The following GRID1 variants were observed in gnomAD, a reference collection of about 807,000 sequenced individuals.
GRID1 encodes the protein glutamate ionotropic receptor delta type subunit 1.
In GRID1, 28 loss-of-function variants were observed where a neutral mutation model predicts 98.0. The ratio of observed to expected loss-of-function variants is 0.29; its 90% CI spans 0.21 to 0.39. The LOEUF is 0.39. GRID1 is among the 10% of genes least tolerant of loss of function. The probability of loss-of-function intolerance (pLI) is 1.00; values close to 1 mark genes in which losing one functional copy is unlikely to be tolerated. For missense variants in GRID1, 1,111 were observed against 1,340.5 expected, an observed-to-expected ratio of 0.83 and a Z score of 2.67; for synonymous variants, 553 against 538.5, an observed-to-expected ratio of 1.03 and a Z score of -0.37.
intron 4 of GRID1, among the ~76,000 whole-genome samples, chr10:85,925,984 A>G (rs7100625): frequency 0.57 from 87,407 of 152,166 alleles, 25,654 homozygotes; most frequent in African/African-American, 0.7. Flanking sequence ...ATTCTTTACC[A>G]AGCTGATAAG....
intron 13 of GRID1, among the ~76,000 whole-genome samples, chr10:85,626,457 G>A (rs1842913544): frequency 1.3e-5 from 2 of 152,178 alleles, no homozygotes; most frequent in African/African-American, 4.8e-5. Flanking sequence ...GGCAATGCCT[G>A]TCTTTCCCTA....
At chr10:86,127,524 G>A (rs1220395479) in intron 4 of GRID1, among the ~76,000 whole-genome samples, 1 of 152,164 alleles carries the variant, frequency 6.6e-6, no homozygotes, top group Non-Finnish European at 1.5e-5. Flanking sequence ...AAAGTGCCTA[G>A]CCAGCATCTG....
chr10:85,869,791 G>A (rs1334773647), intron 5 of GRID1, among the ~76,000 whole-genome samples: 5 of 152,076 alleles, frequency 3.3e-5, no homozygotes, highest in Admixed American at 6.5e-5. Flanking sequence ...GGGCATCCTA[G>A]GATGGATTAT....
At chr10:85,603,143 C>T (rs1254833008) in intron 15 of GRID1, among the ~76,000 whole-genome samples, 2 of 152,202 alleles carry the variant, frequency 1.3e-5, no homozygotes, top group Non-Finnish European at 2.9e-5. Flanking sequence ...GTATGATCAT[C>T]CCCACCTTGC....
At chr10:85,605,773 C>T (rs1842652332) in intron 15 of GRID1, 1 of 152,128 alleles carries the variant, frequency 6.6e-6, no homozygotes, top group South Asian at 2.1e-4. Flanking sequence ...AGCTTAACTT[C>T]CTGTCCAAGA....
chr10:85,983,164 C>T (rs1842566417), intron 4 of GRID1, among the ~76,000 whole-genome samples: 3 of 152,190 alleles, frequency 2.0e-5, no homozygotes, highest in Non-Finnish European at 1.5e-5. Flanking sequence ...TGAGCCCACC[C>T]ACCACCTTGT....
chr10:85,616,245 G>A (rs1361819075), intron 14 of GRID1, among the ~76,000 whole-genome samples: 3 of 152,210 alleles, frequency 2.0e-5, no homozygotes, highest in African/African-American at 7.2e-5. Flanking sequence ...CCTGCAAAGT[G>A]GTTCTTATTA....
Position 86,160,445 on chromosome 10 carries a change from G to A in GRID1, c.521-21421C>T, listed in dbSNP as rs188451686. Among the ~76,000 whole-genome samples, 13 of 152,314 alleles carry A rather than the reference G, an allele frequency of 8.5e-5. No individual in the cohort carries two copies. In the East Asian group the frequency reaches 2.3e-3, roughly 27 times the overall value. ...GGACCAGTGACATCAGGAGTTTGCA[G>A]AATTATGCCAACAAAAAGAAAGTTC... On this transcript the variant is annotated intron_variant, in intron 3 of 15. Transcript: ENST00000327946.
intron 5 of GRID1, among the ~76,000 whole-genome samples, chr10:85,890,027 T>C (rs1841173704): frequency 6.6e-6 from 1 of 152,108 alleles, no homozygotes; most frequent in Non-Finnish European, 1.5e-5. Context: ...AAGTTTATCA[T>C]TTATTTGTCT....
Position 85,728,082 on chromosome 10 carries a change from T to A in GRID1, c.1336-30A>T, listed in dbSNP as rs767368532. On this transcript the variant is annotated intron_variant, in intron 9 of 15. Coordinates refer to ENST00000327946, the MANE Select transcript of GRID1 (RefSeq NM_017551.3). ...GGACAACAGAATGAAGGTTCTCCAA[T>A]TAAATAACAGGTTCATCAACACATA... is the stretch of plus-strand genomic sequence containing the variant. 9.2e-6 allele frequency: 13 copies of A among 1,408,964 alleles called. No homozygotes were observed. The Admixed American group carries it at 2.2e-4, about 24-fold the overall frequency. The allele number at this position is 1,408,964 out of a possible 1,614,324, so 87.3% of individuals were successfully genotyped here.
intron 5 of GRID1, among the ~76,000 whole-genome samples, chr10:85,900,739 A>C (rs1841369729): frequency 6.6e-6 from 1 of 152,162 alleles, no homozygotes. Flanking sequence ...ATGACACTCT[A>C]AGCTCTCTGA....
intron 5 of GRID1, among the ~76,000 whole-genome samples, chr10:85,898,861 A>T (rs185437596): frequency 1.3e-5 from 2 of 152,362 alleles, no homozygotes; most frequent in African/African-American, 4.8e-5. Context: ...AAAAAATACC[A>T]TAGTAAATAT....
intron 5 of GRID1, among the ~76,000 whole-genome samples, chr10:85,884,028 G>GA (rs967584927): frequency 6.6e-6 from 1 of 152,072 alleles, no homozygotes; most frequent in Non-Finnish European, 1.5e-5. Context: ...ACAATCATAA[G>GA]AAAAAATCTC....
At chr10:86,100,707 C>A (rs1211443686) in intron 4 of GRID1, among the ~76,000 whole-genome samples, 1 of 152,184 alleles carries the variant, frequency 6.6e-6, no homozygotes, top group Non-Finnish European at 1.5e-5. Context: ...CTTGCTGTAG[C>A]CAATGGGATG....
chr10:86,228,626 C>T (rs534351860), intron 2 of GRID1, among the ~76,000 whole-genome samples: 5 of 152,176 alleles, frequency 3.3e-5, no homozygotes, highest in African/African-American at 7.2e-5. Context: ...CCTACTCCAC[C>T]AAGGCCAGCA....
chr10:86,326,056 A>T (rs1848045598), intron 2 of GRID1, among the ~76,000 whole-genome samples: 1 of 152,274 alleles, frequency 6.6e-6, no homozygotes, highest in Non-Finnish European at 1.5e-5. Context: ...TAAAATCAAT[A>T]TGCAAAAATC....
At chr10:85,710,610 T>C (rs1352958773) in intron 12 of GRID1, among the ~76,000 whole-genome samples, 1 of 152,090 alleles carries the variant, frequency 6.6e-6, no homozygotes. Flanking sequence ...AGGGATAATC[T>C]GGACTTCAAC....
intron 3 of GRID1, among the ~76,000 whole-genome samples, chr10:86,172,440 C>A (rs1215895289): frequency 6.6e-6 from 1 of 152,140 alleles, no homozygotes; most frequent in Non-Finnish European, 1.5e-5. Flanking sequence ...GGAGTTACTG[C>A]CCCAGGTCAG....
intron 4 of GRID1, among the ~76,000 whole-genome samples, chr10:85,918,880 C>T (rs1277214842): frequency 6.6e-6 from 1 of 152,202 alleles, no homozygotes; most frequent in Non-Finnish European, 1.5e-5. Flanking sequence ...AGAGGTAAAG[C>T]TTTATCATGC....
Sources: allele counts gnomAD v4.1 joint callset (sites outside exome capture counted in the v4.1 genomes callset), GRCh38; gene constraint gnomAD v4.1.1; transcripts MANE v1.5; gene names NCBI Gene and HGNC (gene_info 2026-07-23, HGNC 2026-07-21).